TNIK: variants seen among roughly 807,000 people sequenced by gnomAD.
TNIK encodes the protein TRAF2 and NCK interacting kinase, also known as TRAF2 and NCK-interacting protein kinase.
A neutral mutation model predicts 191.3 loss-of-function variants in TNIK; 49 were observed. That is an observed-to-expected ratio of 0.26 (90% CI 0.20 to 0.32). The LOEUF (loss-of-function observed/expected upper bound fraction) is 0.32, where lower values mean the gene tolerates loss of function less well. Among genes scored for constraint, TNIK ranks in the 10% least tolerant of loss-of-function variants. The pLI is 1.00. For missense variants in TNIK, 1,155 were observed against 1,702.3 expected (o/e 0.68, Z 5.66); for synonymous variants, 594 against 600.9 (o/e 0.99, Z 0.17).
chr3:171,064,099 T>C (rs1718121962), intron 32 of TNIK, 135 bp from the exon 33 acceptor site: 1 of 751,190 alleles, frequency 1.3e-6, no homozygotes, highest in Non-Finnish European at 2.2e-6. Flanking sequence ...CTTGTGTTTA[T>C]AAAGTCCCTT....
In TNIK at chr3:171,066,736, C is replaced by G; in HGVS notation, c.3700-1G>C. The G allele has an allele frequency of 6.2e-7, 1 of 1,612,546 alleles. No individual in the cohort carries two copies. The highest frequency in any genetic ancestry group is 1.3e-5 in the African/African-American group (1 of 74,976). The stretch of plus-strand genomic sequence containing the variant: ...CATGAGGAGTGATATTGCCCTGAAT[C>G]TAGAAGACAAAGAAAAGCCAAGCAT... On this transcript the variant is annotated splice_acceptor_variant, in intron 30 of 32. Coordinates refer to ENST00000436636, the MANE Select transcript of TNIK (RefSeq NM_015028.4). LOFTEE classifies it high-confidence loss of function.
rs565246237 is a variant in TNIK at position 171,312,527 on chromosome 3, A to G, written c.123+57093T>C. On this transcript the variant is annotated intron_variant, in intron 2 of 32. Transcript: ENST00000436636. ...CACACAAACCACTTTGGATGTGCCC[A>G]AATTGCCTTGTTCTTGGTGGGTATC... is the stretch of plus-strand genomic sequence containing the variant. 2.0e-5 allele frequency among the ~76,000 whole-genome samples: 3 copies of G among 152,178 alleles called. No homozygotes were observed. The South Asian group carries it at 6.2e-4, about 32-fold the overall frequency.
intron 2 of TNIK, among the ~76,000 whole-genome samples, chr3:171,352,024 A>T (rs1028122808): frequency 6.6e-6 from 1 of 152,150 alleles, no homozygotes; most frequent in African/African-American, 2.4e-5. Flanking sequence ...TGGGCATATA[A>T]ATCACCTGGG....
chr3:171,440,914 G>A (rs147727920), intron 1 of TNIK, among the ~76,000 whole-genome samples: 214 of 152,244 alleles, frequency 1.4e-3, no homozygotes, highest in African/African-American at 4.9e-3. Flanking sequence ...TCCCAGTCCT[G>A]GCCCCAAAGT....
intron 26 of TNIK, 32 bp downstream of exon 26, chr3:171,084,123 T>TAAA (rs371989911): frequency 2.8e-5 from 39 of 1,393,616 alleles, no homozygotes; most frequent in South Asian, 1.9e-4. Flanking sequence ...AGTGGTTATT[T>TAAA]AAAAAAAAAA....
intron 3 of TNIK, among the ~76,000 whole-genome samples, chr3:171,227,708 T>A (rs918636563): frequency 6.6e-6 from 1 of 152,206 alleles, no homozygotes; most frequent in Non-Finnish European, 1.5e-5. Flanking sequence ...TTAGGGAGAT[T>A]ATTTTTCTAG....
chr3:171,349,958 A>G (rs545863450), intron 2 of TNIK, among the ~76,000 whole-genome samples: 79 of 152,330 alleles, frequency 5.2e-4, no homozygotes, highest in African/African-American at 1.7e-3. Context: ...TTAGTGGCCA[A>G]TGAAATCTTT....
chr3:171,140,689 G>T (rs1730699099), intron 12 of TNIK, among the ~76,000 whole-genome samples, 180 bp from the exon 13 acceptor site: 1 of 152,188 alleles, frequency 6.6e-6, no homozygotes, highest in Non-Finnish European at 1.5e-5. Context: ...GGGTGAGAGA[G>T]AGAGATTCAG....
chr3:171,325,723 G>A lies in TNIK; in HGVS notation c.123+43897C>T, dbSNP rs557611462. 5.9e-5 allele frequency among the ~76,000 whole-genome samples: 9 copies of A among 152,254 alleles called. No individual in the cohort carries two copies. The Middle Eastern group carries it at 0.014, about 230-fold the overall frequency. On this transcript the variant is annotated intron_variant, in intron 2 of 32. Transcript: ENST00000436636. ...AGGTCAGTAAACTATCAAGAATTTCGGGGAGCCGATAACAGTTTTCTGATA... is the reference window on the plus strand; with the variant it reads ...AGGTCAGTAAACTATCAAGAATTTCAGGGAGCCGATAACAGTTTTCTGATA...
At chr3:171,455,286 C>T (rs1238767466) in intron 1 of TNIK, among the ~76,000 whole-genome samples, 1 of 151,932 alleles carries the variant, frequency 6.6e-6, no homozygotes, top group Non-Finnish European at 1.5e-5. Flanking sequence ...CAAGATGTCA[C>T]TCTGTCACTG....
chr3:171,325,990 T>TC (rs1560431117), intron 2 of TNIK, among the ~76,000 whole-genome samples: 1 of 152,188 alleles, frequency 6.6e-6, no homozygotes, highest in African/African-American at 2.4e-5. Flanking sequence ...ACAACTGAGG[T>TC]CCATAATGAT....
At chr3:171,419,298 T>C (rs1250892905) in intron 1 of TNIK, among the ~76,000 whole-genome samples, 1 of 152,144 alleles carries the variant, frequency 6.6e-6, no homozygotes, top group Non-Finnish European at 1.5e-5. Context: ...ATGTCCATAA[T>C]GGGAAAATCC....
At chr3:171,182,848 C>A (rs1736835597) in intron 7 of TNIK, among the ~76,000 whole-genome samples, 2 of 152,180 alleles carry the variant, frequency 1.3e-5, no homozygotes, top group South Asian at 2.1e-4. Context: ...GTAGAAGGTG[C>A]CTATGGTCTG....
intron 2 of TNIK, among the ~76,000 whole-genome samples, chr3:171,359,632 T>C (rs1714676367): frequency 6.6e-6 from 1 of 152,190 alleles, no homozygotes; most frequent in South Asian, 2.1e-4. Flanking sequence ...AACGCTCCTA[T>C]GTAGTAGTAA....
In TNIK at chr3:171,064,506, C is replaced by T. The variant is rs796236751; in HGVS notation, c.4000-542G>A. ...CATTAAATAGTGTGGTCAGATAGGG[C>T]AAGGTATTTAATGCCTACTCATTTT... On this transcript the variant is annotated intron_variant, in intron 32 of 32. Transcript: ENST00000436636. 5.1e-4 allele frequency among the ~76,000 whole-genome samples: 78 copies of T among 152,190 alleles called. 1 individual carries two copies. Among genetic ancestry groups the T allele is most frequent in the African/African-American group, 1.8e-3 (73 of 41,524 alleles).
chr3:171,342,137 T>C (rs529650487), intron 2 of TNIK, among the ~76,000 whole-genome samples: 3 of 152,314 alleles, frequency 2.0e-5, no homozygotes, highest in African/African-American at 7.2e-5. Context: ...TCTGAAACTA[T>C]AAAGCTTTTA....
At position 171,167,188 on chromosome 3, in the gene TNIK, G is replaced by C; in HGVS notation, c.856C>G (p.His286Asp). The change falls in exon 10 of 33, where the codon CAT becomes GAT. Residue 286 changes from histidine to aspartate, a missense_variant. Physicochemically the swap from His to Asp is moderately conservative, Grantham distance 81. This residue lies in a region of TNIK where 225 missense variants were observed against 438.9 expected (regional missense o/e 0.51). Coordinates refer to ENST00000436636, the MANE Select transcript of TNIK (RefSeq NM_015028.4). ...TTAGGTTGGTCTCGTATAAATGGATGCTTCATCAATTGTTCTGTTGCTGGT... is the reference window on the plus strand; with the variant it reads ...TTAGGTTGGTCTCGTATAAATGGATCCTTCATCAATTGTTCTGTTGCTGGT... Reference protein sequence around the residue: ...QRPATEQLMKHPFIRDQPNER... With the variant: ...QRPATEQLMKDPFIRDQPNER... 1 of 1,613,924 alleles carries C rather than the reference G, an allele frequency of 6.2e-7. No homozygotes were observed. The highest frequency in any genetic ancestry group is 8.5e-7 in the Non-Finnish European group (1 of 1,179,886).
chr3:171,284,681 CT>C (rs1338515666), intron 2 of TNIK, among the ~76,000 whole-genome samples: 4 of 152,116 alleles, frequency 2.6e-5, no homozygotes, highest in Non-Finnish European at 5.9e-5. Context: ...ATCCTTTTGC[CT>C]TTGTTGTTTC....
chr3:171,074,658 C>CAA (rs1719662123), intron 28 of TNIK, among the ~76,000 whole-genome samples: 1 of 151,974 alleles, frequency 6.6e-6, no homozygotes, highest in Non-Finnish European at 1.5e-5. Flanking sequence ...TCAGATAAAT[C>CAA]AAGAAATATT....
Sources: gnomAD v4.1 joint callset for allele counts (sites outside exome capture counted in the v4.1 genomes callset) on GRCh38, gnomAD v4.1.1 for gene constraint, gnomAD v4.1.1 regional missense constraint, MANE v1.5 for transcripts, NCBI Gene and HGNC (gene_info 2026-07-23, HGNC 2026-07-21) for gene names.